Variants in OVGP1 observed in about 807,000 individuals in gnomAD.
The protein encoded by OVGP1 is oviductal glycoprotein 1.
Under a neutral mutation model 48.2 loss-of-function variants are expected in OVGP1, and 26 were observed. That is an observed-to-expected ratio of 0.54 (90% CI 0.40 to 0.75). The LOEUF (loss-of-function observed/expected upper bound fraction) is 0.75, where lower values mean the gene tolerates loss of function less well. Among genes scored for constraint, OVGP1 ranks in the 30% least tolerant of loss-of-function variants. OVGP1 has a pLI of 0.00. For synonymous variants in OVGP1, 294 were observed against 305.7 expected, an observed-to-expected ratio of 0.96 and a Z score of 0.40; for missense variants, 791 against 820.6, an observed-to-expected ratio of 0.96 and a Z score of 0.44.
In OVGP1 at chr1:111,417,937, C is replaced by G. The variant is rs150119963; in HGVS notation, c.1021-1479G>C. Among the ~76,000 whole-genome samples the G allele has an allele frequency of 1.9e-3, 283 of 152,276 alleles. 2 individuals carry two copies. The highest frequency in any genetic ancestry group is 6.5e-3 in the African/African-American group (269 of 41,548). ...GAGAGGAGAGAACCTGGAATGTAAA[C>G]AAGTCCTCCCTGGGAAGGGGACTTT... On this transcript the variant is annotated intron_variant, in intron 9 of 10. Transcript: ENST00000369732.
Position 111,415,350 on chromosome 1 carries a change from G to A in OVGP1, c.1157-6C>T. On this transcript the variant is annotated splice_polypyrimidine_tract_variant and splice_region_variant and intron_variant, in intron 10 of 10. Coordinates refer to ENST00000369732, the MANE Select transcript of OVGP1 (RefSeq NM_002557.4). ...TAAAGAAGTTGAACTGAACTCTAGA[G>A]AAAATCAACAGAAAAGAATGAGATT... 1 of 1,597,994 alleles carries A rather than the reference G, an allele frequency of 6.3e-7. No individual in the cohort carries two copies. Among genetic ancestry groups the A allele is most frequent in the Non-Finnish European group, 8.5e-7 (1 of 1,170,214 alleles).
Position 111,415,080 on chromosome 1 carries a change from G to A in OVGP1, c.1421C>T (p.Thr474Ile). The change falls in exon 11 of 11, where the codon ACT becomes ATT. Residue 474 changes from threonine to isoleucine, a missense_variant. Transcript: ENST00000369732. ...TVALGEKTEI[T>I]GAMTMTSVGH... ...CACAGAAGTCATGGTCATTGCCCCA[G>A]TGATCTCAGTCTTCTCTCCTAGAGC... 1.2e-6 allele frequency: 2 copies of A among 1,614,192 alleles called. No individual in the cohort carries two copies. The highest frequency in any genetic ancestry group is 1.7e-6 in the Non-Finnish European group (2 of 1,180,002).
intron 4 of OVGP1, 126 bp downstream of exon 4, chr1:111,425,257 T>C (rs926375599): frequency 4.8e-5 from 50 of 1,039,350 alleles, no homozygotes; most frequent in Non-Finnish European, 6.6e-5. Context: ...CTAAGATTCA[T>C]GAGTTGGGGA....
chr1:111,423,676 C>CGGT lies in OVGP1; in HGVS notation c.347_349dup (p.Asn116_Arg117insHis), dbSNP rs1557784450. ...TATAACTGAAGCAATAAACTTTTCACGGTTGGCAAATGTGGACAACATAGT... is the reference window on the plus strand; with the variant it reads ...TATAACTGAAGCAATAAACTTTTCACGGTGGTTGGCAAATGTGGACAACATAGT... On this transcript the variant is annotated inframe_insertion, in exon 5 of 11. Coordinates refer to ENST00000369732, the MANE Select transcript of OVGP1 (RefSeq NM_002557.4). 5 of 1,614,086 alleles carry CGGT rather than the reference C, an allele frequency of 3.1e-6. No individual in the cohort carries two copies. The highest frequency in any genetic ancestry group is 4.2e-6 in the Non-Finnish European group (5 of 1,179,958).
chr1:111,419,246 C>T (rs1652204075), intron 9 of OVGP1, among the ~76,000 whole-genome samples: 1 of 152,184 alleles, frequency 6.6e-6, no homozygotes, highest in South Asian at 2.1e-4. Context: ...ATTTCTGCTA[C>T]ATGTCAGTAA....
chr1:111,426,885 G>T, intron 2 of OVGP1, 177 bp downstream of exon 2: 5 of 1,547,276 alleles, frequency 3.2e-6, no homozygotes, highest in Non-Finnish European at 4.4e-6. Flanking sequence ...CTGGACCAAG[G>T]CACACAGTCA....
intron 6 of OVGP1, among the ~76,000 whole-genome samples, chr1:111,422,645 C>T (rs1372592651): frequency 6.6e-6 from 1 of 152,178 alleles, no homozygotes; most frequent in Non-Finnish European, 1.5e-5. Context: ...AATCTCTCCT[C>T]GTGAGACCCA....
At chr1:111,427,210 G>A in intron 1 of OVGP1, 119 bp from the exon 2 acceptor site, 12 of 1,554,722 alleles carry the variant, frequency 7.7e-6, no homozygotes, top group Non-Finnish European at 1.0e-5. Context: ...TGCAGATGCA[G>A]ACACACAAAT....
chr1:111,415,481 C>A, intron 10 of OVGP1, 137 bp from the exon 11 acceptor site: 3 of 738,264 alleles, frequency 4.1e-6, no homozygotes, highest in Non-Finnish European at 6.5e-6. Flanking sequence ...CATACTATAC[C>A]TACTTGAGGA....
intron 9 of OVGP1, chr1:111,416,743 G>A (rs1438309482): frequency 1.1e-5 from 3 of 277,418 alleles, no homozygotes; most frequent in East Asian, 1.2e-4. Context: ...TATTACATAC[G>A]ATATGGATGA....
chr1:111,423,635 G>A lies in OVGP1; in HGVS notation c.391C>T (p.His131Tyr), dbSNP rs1318951567. The change falls in exon 5 of 11, where the codon CAT becomes TAT. Residue 131 changes from histidine to tyrosine, a missense_variant. Transcript: ENST00000369732. ...AAAAGGTCAAGACCATCAAAGTCAT[G>A]TGTCCTCAGAAGGGATATAACTGAA... ...IASVISLLRT[H>Y]DFDGLDLFFL... 1.2e-6 allele frequency: 2 copies of A among 1,614,148 alleles called. No individual in the cohort carries two copies. Among genetic ancestry groups the A allele is most frequent in the South Asian group, 2.2e-5 (2 of 91,084 alleles).
chr1:111,423,007 G>T lies in OVGP1; in HGVS notation c.528C>A (p.Arg176=). The change falls in exon 6 of 11, where the codon CGC becomes CGA. Residue 176 remains arginine (R), a synonymous_variant. Coordinates refer to ENST00000369732, the MANE Select transcript of OVGP1 (RefSeq NM_002557.4). ...CAGCAGCAGACAGCAGCAGCCTCGG[G>T]CGCATGGTGAGCAGTGCCTCCTTCC... The part of the protein sequence containing the change: ...AFRKEALLTM[R]PRLLLSAAVS... 6.2e-7 allele frequency: 1 copy of T among 1,614,170 alleles called. No homozygotes were observed. Among genetic ancestry groups the T allele is most frequent in the East Asian group, 2.2e-5 (1 of 44,888 alleles).
intron 4 of OVGP1, among the ~76,000 whole-genome samples, chr1:111,424,698 C>T (rs1244134251): frequency 2.0e-5 from 3 of 152,226 alleles, no homozygotes; most frequent in Non-Finnish European, 4.4e-5. Flanking sequence ...CCCCCCTGCC[C>T]TGAATCTTTC....
intron 8 of OVGP1, 114 bp downstream of exon 8, chr1:111,421,162 C>A: frequency 1.1e-6 from 1 of 890,448 alleles, no homozygotes; most frequent in Non-Finnish European, 1.7e-6. Flanking sequence ...TAATAGACCA[C>A]CTCTTTGCCC....
chr1:111,421,779 C>G, intron 6 of OVGP1, 106 bp from the exon 7 acceptor site: 1 of 704,534 alleles, frequency 1.4e-6, no homozygotes, highest in Non-Finnish European at 2.5e-6. Flanking sequence ...GTCACCAGAG[C>G]TTCCCTGCTC....
intron 3 of OVGP1, 44 bp downstream of exon 3, chr1:111,426,393 T>C (rs1266870110): frequency 5.6e-6 from 9 of 1,612,698 alleles, no homozygotes; most frequent in African/African-American, 1.3e-5. Flanking sequence ...ATCTTATACC[T>C]GTGAAATCTG....
intron 3 of OVGP1, 190 bp from the exon 4 acceptor site, chr1:111,425,629 G>A (rs901875596): frequency 2.9e-5 from 32 of 1,117,960 alleles, no homozygotes; most frequent in Middle Eastern, 3.0e-4. Context: ...AAGACAGAGA[G>A]AACAATCAAC....
chr1:111,423,677 G>T lies in OVGP1; in HGVS notation c.349C>A (p.Arg117Ser), dbSNP rs775679002. The T allele has an allele frequency of 1.2e-6, 2 of 1,614,078 alleles. No homozygotes were observed. Among genetic ancestry groups the T allele is most frequent in the South Asian group, 2.2e-5 (2 of 91,080 alleles). Residue 117 changes from arginine to serine, a missense_variant, in exon 5 of 11, where the codon CGT (arginine) becomes AGT (serine). Transcript: ENST00000369732. ...FTTMLSTFAN[R>S]EKFIASVISL... is the part of the protein sequence containing the mutation. The stretch of plus-strand genomic sequence containing the variant: ...ATAACTGAAGCAATAAACTTTTCAC[G>T]GTTGGCAAATGTGGACAACATAGTG...
At chr1:111,418,401 G>A (rs956840518) in intron 9 of OVGP1, among the ~76,000 whole-genome samples, 4 of 152,116 alleles carry the variant, frequency 2.6e-5, no homozygotes, top group African/African-American at 4.8e-5. Context: ...AGATCCCAGA[G>A]GGGAGAAGCC....
Sources: gnomAD v4.1 joint callset for allele counts (sites outside exome capture counted in the v4.1 genomes callset) on GRCh38, gnomAD v4.1.1 for gene constraint, MANE v1.5 for transcripts, NCBI Gene and HGNC (gene_info 2026-07-23, HGNC 2026-07-21) for gene names.